The following LBHD2 variants were observed in gnomAD, a reference collection of about 807,000 sequenced individuals.
LBHD2 encodes LBH domain-containing protein 2.
chr14:103,088,720 G>A (rs773427802), intron 3 of LBHD2, among the ~76,000 whole-genome samples: 72 of 152,330 alleles, frequency 4.7e-4, no homozygotes, highest in Middle Eastern at 3.4e-3. Flanking sequence ...CAGGCCAGGC[G>A]CGGTGGCTCA....
intron 2 of LBHD2, 114 bp downstream of exon 2, chr14:103,086,195 G>A (rs901001014): frequency 7.5e-6 from 3 of 397,558 alleles, no homozygotes; most frequent in Non-Finnish European, 4.4e-6. Context: ...CTGGGTGGGG[G>A]AGATCATTGC....
At position 103,089,830 on chromosome 14, in the gene LBHD2, T is replaced by C; in HGVS notation, c.*33T>C. 2.5e-6 allele frequency: 1 copy of C among 398,460 alleles called. No homozygotes were observed. Among genetic ancestry groups the C allele is most frequent in the Non-Finnish European group, 4.4e-6 (1 of 225,986 alleles). 24.7% of individuals were successfully genotyped at this position (398,460 alleles called of 1,614,324 possible). On this transcript the variant is annotated 3_prime_UTR_variant, in exon 4 of 4. Coordinates refer to ENST00000634353, the MANE Select transcript of LBHD2 (RefSeq NM_001330236.2). ...ACGTGGCTGGGCTCTGCTGTCTGAC[T>C]GCTGAGGGCCTCTGCCCCAGGGTGG...
At chr14:103,088,519 T>C (rs1595223314) in intron 3 of LBHD2, among the ~76,000 whole-genome samples, 1 of 152,222 alleles carries the variant, frequency 6.6e-6, no homozygotes. Context: ...CGGTGCATAA[T>C]TGTTGAATGA....
intron 3 of LBHD2, 132 bp downstream of exon 3, chr14:103,088,373 G>C: frequency 2.5e-6 from 1 of 397,564 alleles, no homozygotes; most frequent in African/African-American, 2.1e-5. Flanking sequence ...TCCATCCTCC[G>C]CCCGCCTTGG....
intron 2 of LBHD2, among the ~76,000 whole-genome samples, chr14:103,086,683 C>T (rs944702880): frequency 3.3e-5 from 5 of 151,382 alleles, no homozygotes; most frequent in African/African-American, 1.2e-4. Flanking sequence ...CACCTTTTGG[C>T]AGGGGATGGG....
intron 3 of LBHD2, among the ~76,000 whole-genome samples, chr14:103,089,145 G>A (rs999436314): frequency 6.6e-6 from 1 of 152,142 alleles, no homozygotes; most frequent in Non-Finnish European, 1.5e-5. Flanking sequence ...GGCATGAGGT[G>A]TGCCCTGTGC....
At chr14:103,088,321 G>C in intron 3 of LBHD2, 80 bp downstream of exon 3, 1 of 398,366 alleles carries the variant, frequency 2.5e-6, no homozygotes, top group Non-Finnish European at 4.4e-6. Flanking sequence ...GCTTCCTGCG[G>C]CTCCAGCAAG....
intron 1 of LBHD2, among the ~76,000 whole-genome samples, chr14:103,084,923 T>C (rs968192568): frequency 6.6e-6 from 1 of 152,042 alleles, no homozygotes; most frequent in African/African-American, 2.4e-5. Flanking sequence ...CTGGGAGCAG[T>C]GGGGCACTGA....
intron 2 of LBHD2, among the ~76,000 whole-genome samples, chr14:103,086,957 C>A (rs1889643348): frequency 1.3e-5 from 2 of 152,208 alleles, no homozygotes; most frequent in African/African-American, 4.8e-5. Flanking sequence ...TCGTTCACCC[C>A]AGTGGGCAGA....
In LBHD2 at chr14:103,088,187, C is replaced by T. The variant is rs1889660776; in HGVS notation, c.172C>T (p.Arg58Cys). The T allele has an allele frequency of 7.5e-6, 3 of 398,704 alleles. No individual in the cohort carries two copies. In the East Asian group the frequency reaches 1.1e-4, roughly 14 times the overall value. The allele number at this position is 398,704 out of a possible 1,614,324, so 24.7% of individuals were successfully genotyped here. ...EADPVESGELRWPLESAQRGP... is the reference protein window; with the variant it reads ...EADPVESGELCWPLESAQRGP... ...GGACCCTGTGGAAAGTGGGGAGCTG[C>T]GCTGGCCCCTGGAGAGTGCCCAGAG... is the stretch of plus-strand genomic sequence containing the variant. The change falls in exon 3 of 4, where the codon CGC (arginine) becomes TGC (cysteine). Residue 58 changes from arginine to cysteine, a missense_variant. Transcript: ENST00000634353.
At chr14:103,084,794 C>T (rs996638185) in intron 1 of LBHD2, among the ~76,000 whole-genome samples, 21 of 152,158 alleles carry the variant, frequency 1.4e-4, no homozygotes, top group Non-Finnish European at 2.2e-4. Flanking sequence ...ATTTTTCTTG[C>T]CTCTCCCTCT....
chr14:103,087,957 T>C, intron 2 of LBHD2, 128 bp from the exon 3 acceptor site: 1 of 396,958 alleles, frequency 2.5e-6, no homozygotes. Context: ...CATGTGCCCA[T>C]CCCTGCCCTG....
At chr14:103,086,246 C>G (rs1025513676) in intron 2 of LBHD2, among the ~76,000 whole-genome samples, 165 bp downstream of exon 2, 3 of 152,190 alleles carry the variant, frequency 2.0e-5, no homozygotes, top group Non-Finnish European at 4.4e-5. Flanking sequence ...GAGTCTTGCT[C>G]TGTTGCCCAG....
At chr14:103,085,532 A>G (rs1357118402) in intron 1 of LBHD2, among the ~76,000 whole-genome samples, 4 of 152,034 alleles carry the variant, frequency 2.6e-5, no homozygotes, top group Admixed American at 2.6e-4. Context: ...CATGCTCTCG[A>G]GGAGGAAATG....
At position 103,088,069 on chromosome 14, in the gene LBHD2, C is replaced by T. The variant is rs1889658500; in HGVS notation, c.70-16C>T. Reference sequence around the variant, plus strand: ...CAGGCCTGGCATGGCCATGATCCTGCCCATCCTCCTTGCAGGCTGTGGCAG... The same window carrying T: ...CAGGCCTGGCATGGCCATGATCCTGTCCATCCTCCTTGCAGGCTGTGGCAG... On this transcript the variant is annotated splice_polypyrimidine_tract_variant and intron_variant, in intron 2 of 3. Transcript: ENST00000634353. The T allele has an allele frequency of 1.0e-5, 4 of 398,908 alleles. No homozygotes were observed. The East Asian group carries it at 1.4e-4, about 14-fold the overall frequency. The allele number at this position is 398,908 out of a possible 1,614,324, so 24.7% of individuals were successfully genotyped here. A position where few individuals can be genotyped will look rare whatever the true frequency, so the allele number is the denominator to read the frequency against.
In LBHD2 at chr14:103,086,021, C is replaced by A. The variant is rs1297803085; in HGVS notation, c.9C>A (p.Thr3=). The A allele has an allele frequency of 5.0e-6, 2 of 398,552 alleles. No individual in the cohort carries two copies. Among genetic ancestry groups the A allele is most frequent in the African/African-American group, 4.1e-5 (2 of 48,624 alleles). 24.7% of individuals were successfully genotyped at this position (398,552 alleles called of 1,614,324 possible). Residue 3 remains threonine (T), a synonymous_variant, in exon 2 of 4, where the codon ACC becomes ACA. Transcript: ENST00000634353. ...GCAGTGGCGGCAGCAGCATGAGCAC[C>A]CCCCGGCCTGCTCCACCACAGCCAG... The part of the protein sequence containing the change: MS[T]PRPAPPQPGA...
In LBHD2 at chr14:103,089,791, G is replaced by A. The variant is rs946387885; in HGVS notation, c.321G>A (p.Arg107=). ...ACSEDPAAPA[R]G is the part of the protein sequence containing the mutation. Reference sequence around the variant, plus strand: ...CCGAGGACCCAGCAGCCCCGGCCCGGGGATAGGACAAGGACGTGGCTGGGC... The same window carrying A: ...CCGAGGACCCAGCAGCCCCGGCCCGAGGATAGGACAAGGACGTGGCTGGGC... Residue 107 remains arginine, a synonymous_variant, in exon 4 of 4, where the codon CGG becomes CGA. Coordinates refer to ENST00000634353, the MANE Select transcript of LBHD2 (RefSeq NM_001330236.2). 1 of 398,670 alleles carries A rather than the reference G, an allele frequency of 2.5e-6. No individual in the cohort carries two copies. Among genetic ancestry groups the A allele is most frequent in the Non-Finnish European group, 4.4e-6 (1 of 226,078 alleles). 24.7% of individuals were successfully genotyped at this position (398,670 alleles called of 1,614,324 possible).
intron 2 of LBHD2, among the ~76,000 whole-genome samples, chr14:103,087,835 G>A (rs752639169): frequency 2.0e-5 from 3 of 152,184 alleles, no homozygotes; most frequent in African/African-American, 7.2e-5. Flanking sequence ...GCACAGCTGC[G>A]TCCTATGGTG....
chr14:103,089,681 C>T lies in LBHD2; in HGVS notation c.227-16C>T. The T allele has an allele frequency of 2.5e-6, 1 of 398,688 alleles. No homozygotes were observed. Among genetic ancestry groups the T allele is most frequent in the Non-Finnish European group, 4.4e-6 (1 of 226,092 alleles). The allele number at this position is 398,688 out of a possible 1,614,324, so 24.7% of individuals were successfully genotyped here. ...TCCCCCCGCCGACCAACACGGCCGC[C>T]TTTATGTTTCTGCAGCCCCCTCGCC... On this transcript the variant is annotated splice_polypyrimidine_tract_variant and intron_variant, in intron 3 of 3. Transcript: ENST00000634353.
Sources: gnomAD v4.1 joint callset for allele counts (sites outside exome capture counted in the v4.1 genomes callset) on GRCh38, gnomAD v4.1.1 for gene constraint, MANE v1.5 for transcripts, NCBI Gene and HGNC (gene_info 2026-07-23, HGNC 2026-07-21) for gene names.